GOLPH3: variants seen among roughly 807,000 people sequenced by gnomAD.
The protein encoded by GOLPH3 is golgi phosphoprotein 3, also known as coat protein GPP34.
A neutral mutation model predicts 28.5 loss-of-function variants in GOLPH3; 14 were observed. The ratio of observed to expected loss-of-function variants is 0.49; its 90% confidence interval spans 0.32 to 0.77. The LOEUF is 0.77. Ranked by LOEUF, GOLPH3 falls within the 30% of genes least tolerant of loss-of-function variation. The pLI is 0.03. For synonymous variants in GOLPH3, 158 were observed against 159.2 expected (o/e 0.99, Z 0.06); for missense variants, 350 against 393.7 (o/e 0.89, Z 0.94).
chr5:32,140,355 C>A (rs1166356500), intron 2 of GOLPH3, among the ~76,000 whole-genome samples: 2 of 151,586 alleles, frequency 1.3e-5, no homozygotes, highest in Non-Finnish European at 2.9e-5. Flanking sequence ...AATAAAACAA[C>A]AAAAAAAATT....
At chr5:32,144,601 A>G (rs1404558512) in intron 1 of GOLPH3, among the ~76,000 whole-genome samples, 1 of 152,212 alleles carries the variant, frequency 6.6e-6, no homozygotes, top group Non-Finnish European at 1.5e-5. Flanking sequence ...AAATACACAC[A>G]CTGTTAATTT....
chr5:32,145,827 C>CATGGGAAAGTAGATGA (rs1554048537), intron 1 of GOLPH3, among the ~76,000 whole-genome samples: 12 of 152,170 alleles, frequency 7.9e-5, no homozygotes, highest in Non-Finnish European at 1.6e-4. Flanking sequence ...ATTGGATTCA[C>CATGGGAAAGTAGATGA]ATGGGAAAGT....
intron 2 of GOLPH3, among the ~76,000 whole-genome samples, chr5:32,136,079 G>A (rs1042746328): frequency 1.8e-4 from 28 of 152,150 alleles, no homozygotes; most frequent in Non-Finnish European, 4.0e-4. Context: ...GGTAGCTGAG[G>A]TGGGAGAATC....
At chr5:32,136,620 A>C (rs1745937905) in intron 2 of GOLPH3, among the ~76,000 whole-genome samples, 1 of 152,246 alleles carries the variant, frequency 6.6e-6, no homozygotes, top group Admixed American at 6.5e-5. Flanking sequence ...CCCAGAAATA[A>C]GACTAAATTA....
intron 1 of GOLPH3, among the ~76,000 whole-genome samples, chr5:32,155,053 C>T (rs867664014): frequency 1.4e-5 from 2 of 141,356 alleles, no homozygotes; most frequent in Non-Finnish European, 3.0e-5. Flanking sequence ...GACCCAAGAT[C>T]GCACCACTGC....
intron 1 of GOLPH3, among the ~76,000 whole-genome samples, chr5:32,157,337 T>A (rs896858836): frequency 2.0e-5 from 3 of 152,116 alleles, no homozygotes; most frequent in Non-Finnish European, 4.4e-5. Context: ...CCCAGCACAA[T>A]AAGTTACTGT....
chr5:32,152,804 C>A (rs1299250325), intron 1 of GOLPH3, among the ~76,000 whole-genome samples: 17 of 143,096 alleles, frequency 1.2e-4, no homozygotes, highest in East Asian at 8.1e-4. Context: ...AAAACAAAAA[C>A]AAAAAAAAAA....
At chr5:32,153,011 A>G (rs1746342883) in intron 1 of GOLPH3, among the ~76,000 whole-genome samples, 1 of 152,218 alleles carries the variant, frequency 6.6e-6, no homozygotes, top group African/African-American at 2.4e-5. Context: ...ATAAATATGC[A>G]ACAGTATATG....
intron 2 of GOLPH3, among the ~76,000 whole-genome samples, chr5:32,141,620 CCT>C (rs1489195293): frequency 5.3e-5 from 8 of 150,958 alleles, no homozygotes; most frequent in African/African-American, 1.2e-4. Context: ...CCCTCCTCTC[CCT>C]CTCTTTCCAC....
chr5:32,149,920 CTG>C (rs1445836642), intron 1 of GOLPH3, among the ~76,000 whole-genome samples: 4 of 151,768 alleles, frequency 2.6e-5, no homozygotes, highest in Non-Finnish European at 5.9e-5. Flanking sequence ...TCGCTAGATC[CTG>C]GGAGGCAGAG....
intron 1 of GOLPH3, among the ~76,000 whole-genome samples, chr5:32,148,084 C>A (rs1209788220): frequency 6.6e-6 from 1 of 152,148 alleles, no homozygotes; most frequent in Non-Finnish European, 1.5e-5. Context: ...AATAAAGAGA[C>A]CCAGGTGTGG....
At chr5:32,152,417 G>A (rs1246157419) in intron 1 of GOLPH3, among the ~76,000 whole-genome samples, 1 of 138,896 alleles carries the variant, frequency 7.2e-6, no homozygotes, top group African/African-American at 2.6e-5. Context: ...GAGCCACCGC[G>A]CCTGCCCCCC....
chr5:32,161,515 G>A (rs1411323658), intron 1 of GOLPH3, among the ~76,000 whole-genome samples: 9 of 150,978 alleles, frequency 6.0e-5, no homozygotes, highest in South Asian at 2.1e-4. Flanking sequence ...GGCCTTTTGA[G>A]TTTTCTGATT....
intron 1 of GOLPH3, among the ~76,000 whole-genome samples, chr5:32,156,036 A>G (rs1306757935): frequency 6.7e-6 from 1 of 149,546 alleles, no homozygotes; most frequent in Non-Finnish European, 1.5e-5. Flanking sequence ...TCATTAAGTC[A>G]TGAAGGCAGA....
At chr5:32,133,555 T>A (rs1177780791) in intron 3 of GOLPH3, among the ~76,000 whole-genome samples, 1 of 152,208 alleles carries the variant, frequency 6.6e-6, no homozygotes, top group Non-Finnish European at 1.5e-5. Context: ...TACAAAATGA[T>A]CCATCACAGT....
chr5:32,170,249 T>A (rs1171793331), intron 1 of GOLPH3, among the ~76,000 whole-genome samples: 2 of 152,180 alleles, frequency 1.3e-5, no homozygotes, highest in Non-Finnish European at 2.9e-5. Context: ...TAATCTATGC[T>A]GAATTCTAAT....
chr5:32,124,721 G>T lies in GOLPH3; in HGVS notation c.*1491C>A, dbSNP rs1033217675. 5.9e-5 allele frequency: 9 copies of T among 152,116 alleles called. No individual in the cohort carries two copies. Among genetic ancestry groups the T allele is most frequent in the Non-Finnish European group, 4.4e-5 (3 of 68,034 alleles). The allele number at this position is 152,116 out of a possible 1,614,324, so 9.4% of individuals were successfully genotyped here. ...AAATGACATGCTTGCTCTGATTCAG[G>T]CACTTTCAAGATCATTGTTTATTTA... On this transcript the variant is annotated 3_prime_UTR_variant, in exon 4 of 4. Coordinates refer to ENST00000265070, the MANE Select transcript of GOLPH3 (RefSeq NM_022130.4).
intron 3 of GOLPH3, among the ~76,000 whole-genome samples, chr5:32,132,157 GACAAA>G (rs1192562424): frequency 1.3e-5 from 2 of 152,038 alleles, no homozygotes; most frequent in South Asian, 2.1e-4. Flanking sequence ...TTGTCCCAAA[GACAAA>G]ACAAAACAAA....
chr5:32,150,549 T>G (rs1005981513), intron 1 of GOLPH3, among the ~76,000 whole-genome samples: 1 of 151,398 alleles, frequency 6.6e-6, no homozygotes, highest in Non-Finnish European at 1.5e-5. Context: ...GATGTCACAC[T>G]GGCACATGAA....
Sources: allele counts gnomAD v4.1 joint callset (sites outside exome capture counted in the v4.1 genomes callset), GRCh38; gene constraint gnomAD v4.1.1; transcripts MANE v1.5; gene names NCBI Gene and HGNC (gene_info 2026-07-23, HGNC 2026-07-21).